SDK2: variants seen among roughly 807,000 people sequenced by gnomAD.
The protein encoded by SDK2 is sidekick cell adhesion molecule 2, also known as protein sidekick-2.
Under a neutral mutation model 253.9 loss-of-function variants are expected in SDK2, and 105 were observed. That is an observed-to-expected ratio of 0.41 (90% CI 0.35 to 0.49). SDK2 has a LOEUF of 0.49. Among genes scored for constraint, SDK2 ranks in the 20% least tolerant of loss-of-function variants. The pLI, the probability that SDK2 is intolerant of heterozygous loss-of-function variation, is 0.06. For synonymous variants in SDK2, 1,249 were observed against 1,234.9 expected, an observed-to-expected ratio of 1.01 and a Z score of -0.24; for missense variants, 2,608 against 3,003.0, an observed-to-expected ratio of 0.87 and a Z score of 3.07.
chr17:73,369,478 C>A (rs562333942), intron 36 of SDK2, among the ~76,000 whole-genome samples: 1 of 152,246 alleles, frequency 6.6e-6, no homozygotes, highest in Non-Finnish European at 1.5e-5. Flanking sequence ...GGCCAGCTGA[C>A]TTCCCAGAGC....
At chr17:73,593,374 C>A (rs2045711195) in intron 1 of SDK2, among the ~76,000 whole-genome samples, 1 of 152,212 alleles carries the variant, frequency 6.6e-6, no homozygotes, top group Non-Finnish European at 1.5e-5. Context: ...ATCCTGGCCA[C>A]AAGAGCATCC....
intron 1 of SDK2, among the ~76,000 whole-genome samples, chr17:73,601,501 A>G (rs574454933): frequency 6.6e-6 from 1 of 152,252 alleles, no homozygotes; most frequent in African/African-American, 2.4e-5. Flanking sequence ...GTGAAGAGGG[A>G]AATTTAGACA....
chr17:73,622,447 T>C (rs965259882), intron 1 of SDK2, among the ~76,000 whole-genome samples: 19 of 152,140 alleles, frequency 1.2e-4, no homozygotes, highest in Admixed American at 9.2e-4. Flanking sequence ...ATTAGGGCTG[T>C]TTTCATAGCT....
intron 2 of SDK2, among the ~76,000 whole-genome samples, chr17:73,483,375 C>T (rs547634101): frequency 1.1e-4 from 16 of 139,450 alleles, no homozygotes; most frequent in Middle Eastern, 4.0e-3. Context: ...TGCAGTGGCG[C>T]GATCTCGGCT....
chr17:73,492,423 T>C (rs557273446), intron 2 of SDK2, among the ~76,000 whole-genome samples: 1 of 152,244 alleles, frequency 6.6e-6, no homozygotes, highest in East Asian at 1.9e-4. Flanking sequence ...CCAGGGACTG[T>C]GCCCTATCTC....
At chr17:73,580,761 G>A (rs937199458) in intron 1 of SDK2, among the ~76,000 whole-genome samples, 1 of 152,062 alleles carries the variant, frequency 6.6e-6, no homozygotes, top group African/African-American at 2.4e-5. Context: ...GACCCAAAGC[G>A]TTTTGGATTT....
At chr17:73,448,374 CTTTTT>C (rs11377499) in intron 4 of SDK2, among the ~76,000 whole-genome samples, 1 of 148,670 alleles carries the variant, frequency 6.7e-6, no homozygotes, top group African/African-American at 2.5e-5. Flanking sequence ...GTTTCTACCT[CTTTTT>C]TTTTTGAGAC....
intron 9 of SDK2, among the ~76,000 whole-genome samples, chr17:73,434,618 A>G (rs1205092843): frequency 6.6e-6 from 1 of 152,184 alleles, no homozygotes; most frequent in Non-Finnish European, 1.5e-5. Context: ...CTTTGAGCTT[A>G]TGGGCCACTC....
intron 1 of SDK2, among the ~76,000 whole-genome samples, chr17:73,600,652 G>A (rs2045825184): frequency 1.3e-5 from 2 of 152,346 alleles, no homozygotes; most frequent in Admixed American, 6.5e-5. Flanking sequence ...GCGACAGGGT[G>A]TTGTGGCCAT....
chr17:73,361,130 C>T lies in SDK2; in HGVS notation c.5467+554G>A, dbSNP rs1457955609. 6.6e-6 allele frequency among the ~76,000 whole-genome samples: 1 copy of T among 152,086 alleles called. No individual in the cohort carries two copies. The highest frequency in any genetic ancestry group is 2.4e-5 in the African/African-American group (1 of 41,412). ...CCATCAGGTGTTTCTCAAGGTGCCA[C>T]TTTGTCACGGCCTCCAGGGGCTTTT... On this transcript the variant is annotated intron_variant, in intron 39 of 44. Transcript: ENST00000392650. This position sits in a 1 kb window ranked among gnomAD's most constrained non-coding sequence, Gnocchi z 4.1.
rs375285171 is a variant in SDK2, at chr17:73,467,914, G to GTC, written c.331+4196_331+4197dup. ...GGTGGACAGGGGGAGGTTAACCTGG[G>GTC]TCTCTCTCTCTGCTCCCCCTTCAGC... On this transcript the variant is annotated intron_variant, in intron 3 of 44. Transcript: ENST00000392650. The surrounding 1 kb of genome is among the most constrained non-coding windows in gnomAD (Gnocchi z 4.1). Among the ~76,000 whole-genome samples the GTC allele has an allele frequency of 1.3e-3, 197 of 152,256 alleles. No individual in the cohort carries two copies. The highest frequency in any genetic ancestry group is 4.2e-3 in the African/African-American group (175 of 41,550).
At chr17:73,615,289 C>G (rs1239001297) in intron 1 of SDK2, among the ~76,000 whole-genome samples, 1 of 152,192 alleles carries the variant, frequency 6.6e-6, no homozygotes. Context: ...AGTAAGTTGT[C>G]AGAGGCCCCT....
intron 18 of SDK2, among the ~76,000 whole-genome samples, chr17:73,414,305 C>T (rs1176644857): frequency 6.6e-6 from 1 of 152,118 alleles, no homozygotes; most frequent in African/African-American, 2.4e-5. Context: ...CCGCCTCAGC[C>T]TCCCAAATTG....
In SDK2 at chr17:73,357,955, T is replaced by A. The variant is rs1190133451; in HGVS notation, c.5593+124A>T. On this transcript the variant is annotated intron_variant, in intron 40 of 44. Coordinates refer to ENST00000392650, the MANE Select transcript of SDK2 (RefSeq NM_001144952.2). Reference sequence around the variant, plus strand: ...CCACTCCTCAACAGGGCCAGGTGACTTCACCTGTAGTAGCACAAGCGCCTT... The same window carrying A: ...CCACTCCTCAACAGGGCCAGGTGACATCACCTGTAGTAGCACAAGCGCCTT... The A allele has an allele frequency of 2.1e-6, 3 of 1,439,674 alleles. No individual in the cohort carries two copies. The African/African-American group carries it at 4.2e-5, about 20-fold the overall frequency. The allele number at this position is 1,439,674 out of a possible 1,614,324, so 89.2% of individuals were successfully genotyped here.
intron 1 of SDK2, among the ~76,000 whole-genome samples, chr17:73,522,875 T>C (rs2064093708): frequency 1.3e-5 from 2 of 152,172 alleles, no homozygotes; most frequent in South Asian, 4.1e-4. Context: ...TGTGTCTCTG[T>C]CTCTGGTCCC....
chr17:73,597,881 G>A (rs901651076), intron 1 of SDK2, among the ~76,000 whole-genome samples: 14 of 152,068 alleles, frequency 9.2e-5, no homozygotes, highest in African/African-American at 3.1e-4. Flanking sequence ...TCCTGACCTC[G>A]TGATCCGCCC....
chr17:73,401,014 A>G lies in SDK2; in HGVS notation c.2971+6T>C. ...AAAGAGTCCTGCCTTGAGAGTGGGC[A>G]CTTACCTGGGGGCACCCCAGAGGAG... On this transcript the variant is annotated splice_donor_region_variant and intron_variant, in intron 21 of 44. Coordinates refer to ENST00000392650, the MANE Select transcript of SDK2 (RefSeq NM_001144952.2). 6.4e-7 allele frequency: 1 copy of G among 1,566,558 alleles called. No homozygotes were observed. Among genetic ancestry groups the G allele is most frequent in the Admixed American group, 1.9e-5 (1 of 52,994 alleles).
chr17:73,477,973 C>T (rs2063697634), intron 2 of SDK2, among the ~76,000 whole-genome samples: 1 of 152,162 alleles, frequency 6.6e-6, no homozygotes. Flanking sequence ...AAGGACTGCT[C>T]TTTATTTATT....
chr17:73,355,174 A>ATTTTTTTTTTTTTTTTTTTT (rs770032791), intron 40 of SDK2, among the ~76,000 whole-genome samples: 2 of 47,224 alleles, frequency 4.2e-5, no homozygotes, highest in Non-Finnish European at 6.7e-5. Context: ...ATATATATAT[A>ATTTTTTTTTTTTTTTTTTTT]TTTTTTTTTT....
Sources: gnomAD v4.1 joint callset for allele counts (sites outside exome capture counted in the v4.1 genomes callset) on GRCh38, gnomAD v4.1.1 for gene constraint, Gnocchi (gnomAD v3.1) non-coding constraint, MANE v1.5 for transcripts, NCBI Gene and HGNC (gene_info 2026-07-23, HGNC 2026-07-21) for gene names.